The following PPFIA4 variants were observed in gnomAD, a reference collection of about 807,000 sequenced individuals.
PPFIA4 encodes the protein liprin-alpha-4.
PPFIA4 carries 98 observed loss-of-function variants against 145.7 expected under a neutral mutation model. The observed-to-expected ratio is 0.67, with a 90% confidence interval of 0.57 to 0.80. PPFIA4 has a LOEUF of 0.80. PPFIA4 is among the 30% of genes least tolerant of loss of function. PPFIA4 has a pLI of 0.00. For synonymous variants in PPFIA4, 628 were observed against 649.6 expected (o/e 0.97, Z 0.51); for missense variants, 1,457 against 1,632.7 (o/e 0.89, Z 1.85).
In PPFIA4 at chr1:203,060,403, C is replaced by T; in HGVS notation, c.2770C>T (p.Pro924Ser). The change falls in exon 22 of 30, where the codon CCC becomes TCC. Residue 924 changes from proline to serine, a missense_variant. By Grantham distance (74) the Pro-to-Ser change is moderately conservative. Coordinates refer to ENST00000295706, the MANE Select transcript of PPFIA4 (RefSeq NM_001304331.2). This position sits in a 1 kb window ranked among gnomAD's most constrained non-coding sequence, Gnocchi z 4.8. ...MVSLTSPSAP[P>S]TSRTSSGNVW... ...GTCATTGACCAGCCCCTCTGCCCCA[C>T]CCACCTCCAGGACTGTGAGTGGCCC... The T allele has an allele frequency of 2.5e-6, 4 of 1,613,464 alleles. No homozygotes were observed. The highest frequency in any genetic ancestry group is 3.4e-6 in the Non-Finnish European group (4 of 1,179,890).
At chr1:203,049,208 A>G (rs1490517986) in intron 12 of PPFIA4, among the ~76,000 whole-genome samples, 2 of 152,236 alleles carry the variant, frequency 1.3e-5, no homozygotes, top group African/African-American at 4.8e-5. Flanking sequence ...AGAGGTGGAC[A>G]GCAGAGAGGC....
intron 23 of PPFIA4, 194 bp downstream of exon 23, chr1:203,061,226 G>A (rs1376171938): frequency 4.9e-6 from 3 of 616,380 alleles, no homozygotes; most frequent in South Asian, 1.9e-5. Flanking sequence ...GGAGCAGTTT[G>A]TATGTGTGTG....
Position 203,076,361 on chromosome 1 carries a change from G to T in PPFIA4, c.3595G>T (p.Gly1199Ter). The change falls in exon 30 of 30, where the codon GGA (glycine) becomes TGA (stop). Residue 1199 changes from glycine (G) to a stop codon, truncating the protein, a stop_gained. Coordinates refer to ENST00000295706, the MANE Select transcript of PPFIA4 (RefSeq NM_001304331.2). LOFTEE classifies it high-confidence loss of function. Reference protein sequence around the residue: ...MPEAHSHYLYGHMLSAFRD With the variant: ...MPEAHSHYLY ...CTCAGCTCACTCCCACTATCTCTAC[G>T]GACACATGCTCTCCGCCTTCCGGGA... 6.2e-7 allele frequency: 1 copy of T among 1,607,544 alleles called. No homozygotes were observed.
At position 203,045,357 on chromosome 1, in the gene PPFIA4, T is replaced by C; in HGVS notation, c.667-11T>C. The C allele has an allele frequency of 1.3e-6, 2 of 1,573,940 alleles. No homozygotes were observed. Among genetic ancestry groups the C allele is most frequent in the East Asian group, 2.3e-5 (1 of 43,970 alleles). On this transcript the variant is annotated splice_polypyrimidine_tract_variant and intron_variant, in intron 6 of 29. Transcript: ENST00000295706. ...CTGTGACTCACAGAGCTACTGTCCC[T>C]ATCCCTGGAGGAGGATACGGGCCGG...
intron 28 of PPFIA4, among the ~76,000 whole-genome samples, chr1:203,074,071 G>C (rs1011818752): frequency 1.3e-5 from 2 of 152,294 alleles, no homozygotes; most frequent in Non-Finnish European, 2.9e-5. Context: ...GAGAAAGAGC[G>C]AGAAAGAAAG....
At chr1:203,067,422 T>C (rs1661801020) in intron 25 of PPFIA4, 2 of 423,534 alleles carry the variant, frequency 4.7e-6, no homozygotes, top group Admixed American at 3.7e-5. Flanking sequence ...GAGGGACATG[T>C]TGGATTCATT....
Position 203,063,863 on chromosome 1 carries a change from T to G in PPFIA4, c.2910T>G (p.Ile970Met). 6.2e-7 allele frequency: 1 copy of G among 1,614,064 alleles called. No individual in the cohort carries two copies. The highest frequency in any genetic ancestry group is 2.2e-5 in the East Asian group (1 of 44,882). Residue 970 changes from isoleucine to methionine, a missense_variant, in exon 25 of 30, where the codon ATT becomes ATG. By Grantham distance (10) the Ile-to-Met change is conservative. This residue lies in a region of PPFIA4 where 848 missense variants were observed against 1,046.7 expected (regional missense o/e 0.81). Transcript: ENST00000295706. ...ATGGGGACATGAACCATGAGTGGAT[T>G]GGGAATGAATGGCTACCCAGCCTGG... is the stretch of plus-strand genomic sequence containing the variant. ...LAYGDMNHEW[I>M]GNEWLPSLGL...
Position 203,077,935 on chromosome 1 carries a change from C to T in PPFIA4, c.*1545C>T, listed in dbSNP as rs1333955685. ...ATCCTACAGGTGGCTGGAGCAGCTG[C>T]TTTGCAACCTGATCACCTTGAGTTC... On this transcript the variant is annotated 3_prime_UTR_variant, in exon 30 of 30. Coordinates refer to ENST00000295706, the MANE Select transcript of PPFIA4 (RefSeq NM_001304331.2). 1.3e-5 allele frequency: 2 copies of T among 152,304 alleles called. No homozygotes were observed. The highest frequency in any genetic ancestry group is 2.9e-5 in the Non-Finnish European group (2 of 68,098). The allele number at this position is 152,304 out of a possible 1,614,324, so 9.4% of individuals were successfully genotyped here.
At chr1:203,076,243 A>G in intron 29 of PPFIA4, 98 bp from the exon 30 acceptor site, 1 of 1,359,512 alleles carries the variant, frequency 7.4e-7, no homozygotes. Context: ...CGCTTGGAGC[A>G]CGCTGCGTTG....
chr1:203,037,482 A>G (rs970726948), intron 1 of PPFIA4, among the ~76,000 whole-genome samples: 3 of 152,202 alleles, frequency 2.0e-5, no homozygotes, highest in African/African-American at 7.2e-5. Flanking sequence ...CTGTCCTGCA[A>G]CTGGGACCTC....
At position 203,075,901 on chromosome 1, in the gene PPFIA4, C is replaced by T; in HGVS notation, c.3574+144C>T. The T allele has an allele frequency of 1.1e-6, 1 of 877,514 alleles. No homozygotes were observed. Among genetic ancestry groups the T allele is most frequent in the Non-Finnish European group, 1.6e-6 (1 of 632,220 alleles). 54.4% of individuals were successfully genotyped at this position (877,514 alleles called of 1,614,324 possible). A position where few individuals can be genotyped will look rare whatever the true frequency, so the allele number is the denominator to read the frequency against. ...GCGCTGCAGCTGCACTAACGCTCCG[C>T]GGGGAGCGTGTGTGCGCACTAACCC... On this transcript the variant is annotated intron_variant, in intron 29 of 29. Coordinates refer to ENST00000295706, the MANE Select transcript of PPFIA4 (RefSeq NM_001304331.2). This position sits in a 1 kb window ranked among gnomAD's most constrained non-coding sequence, Gnocchi z 4.1.
intron 23 of PPFIA4, 53 bp from the exon 24 acceptor site, chr1:203,061,599 G>T: frequency 6.5e-7 from 1 of 1,531,186 alleles, no homozygotes. Flanking sequence ...TAGAGCTGAT[G>T]GGTTTCTTGA....
In PPFIA4 at chr1:203,038,922, ACCC is replaced by A. The variant is rs1302619737; in HGVS notation, c.-86_-84del. ...CTCGCCTGGCACTGCCCACTCTGAG[ACCC>A]ATGCACTGGGTTCCCCTGGAGGTGC... is the stretch of plus-strand genomic sequence containing the variant. On this transcript the variant is annotated 5_prime_UTR_variant, in exon 2 of 30. Coordinates refer to ENST00000295706, the MANE Select transcript of PPFIA4 (RefSeq NM_001304331.2). 2 of 688,652 alleles carry A rather than the reference ACCC, an allele frequency of 2.9e-6. No homozygotes were observed. Among genetic ancestry groups the A allele is most frequent in the Admixed American group, 2.9e-5 (1 of 34,268 alleles). 42.7% of individuals were successfully genotyped at this position (688,652 alleles called of 1,614,324 possible). A position where few individuals can be genotyped will look rare whatever the true frequency, so the allele number is the denominator to read the frequency against.
chr1:203,026,559 G>C lies in PPFIA4; in HGVS notation c.-470G>C, dbSNP rs1033484831. 2.6e-5 allele frequency: 4 copies of C among 152,264 alleles called. No individual in the cohort carries two copies. The highest frequency in any genetic ancestry group is 9.6e-5 in the African/African-American group (4 of 41,462). 9.4% of individuals were successfully genotyped at this position (152,264 alleles called of 1,614,324 possible). On this transcript the variant is annotated 5_prime_UTR_variant, in exon 1 of 30. Coordinates refer to ENST00000295706, the MANE Select transcript of PPFIA4 (RefSeq NM_001304331.2). ...CCGGCTCGGCTCTAGGACGTGTCGG[G>C]CTGCACGGGTCGGGGGCGGCTCCCT...
At chr1:203,051,662 G>A in intron 13 of PPFIA4, 107 bp from the exon 14 acceptor site, 2 of 1,495,644 alleles carry the variant, frequency 1.3e-6, no homozygotes, top group Non-Finnish European at 1.8e-6. Flanking sequence ...CTGCTAAGAT[G>A]TCTCTTCTCT....
intron 24 of PPFIA4, chr1:203,062,936 G>A (rs772842612): frequency 1.2e-4 from 19 of 152,238 alleles, no homozygotes; most frequent in Admixed American, 2.0e-4. Flanking sequence ...AGTACAGTGT[G>A]GGTAATGCTC....
chr1:203,052,054 C>CCCT (rs1553257087), intron 14 of PPFIA4, among the ~76,000 whole-genome samples, 177 bp downstream of exon 14: 1 of 104,122 alleles, frequency 9.6e-6, no homozygotes, highest in Non-Finnish European at 2.1e-5. Flanking sequence ...TGCCCCCCCC[C>CCCT]CCGCTTGCCT....
chr1:203,046,698 G>A (rs1044771088), intron 9 of PPFIA4, among the ~76,000 whole-genome samples: 4 of 148,492 alleles, frequency 2.7e-5, no homozygotes, highest in African/African-American at 9.9e-5. Context: ...CCGTCGTGGT[G>A]AACACTTTCT....
At chr1:203,054,023 G>T in intron 15 of PPFIA4, 62 bp downstream of exon 15, 3 of 1,519,076 alleles carry the variant, frequency 2.0e-6, no homozygotes, top group Non-Finnish European at 2.7e-6. Flanking sequence ...CTTTGTGTTG[G>T]AAAAACCCTA....
Sources: allele counts gnomAD v4.1 joint callset (sites outside exome capture counted in the v4.1 genomes callset), GRCh38; gene constraint gnomAD v4.1.1; regional missense constraint gnomAD v4.1.1; non-coding constraint Gnocchi (gnomAD v3.1); transcripts MANE v1.5; gene names NCBI Gene and HGNC (gene_info 2026-07-23, HGNC 2026-07-21).